CFAP43: variants seen among roughly 807,000 people sequenced by gnomAD.
The protein encoded by CFAP43 is cilia- and flagella-associated protein 43.
A neutral mutation model predicts 218.9 loss-of-function variants in CFAP43; 155 were observed. The ratio of observed to expected loss-of-function variants is 0.71; its 90% CI spans 0.62 to 0.81. The LOEUF (loss-of-function observed/expected upper bound fraction) is 0.81, where lower values mean the gene tolerates loss of function less well. Ranked by LOEUF, CFAP43 falls within the 30% of genes least tolerant of loss-of-function variation. CFAP43 has a pLI of 0.00. For missense variants in CFAP43, 1,778 were observed against 1,954.3 expected (o/e 0.91, Z 1.70); for synonymous variants, 645 against 681.3 (o/e 0.95, Z 0.83).
At chr10:104,159,014 T>C (rs1429665351) in intron 27 of CFAP43, among the ~76,000 whole-genome samples, 1 of 152,116 alleles carries the variant, frequency 6.6e-6, no homozygotes, top group East Asian at 1.9e-4. Flanking sequence ...AAAATAAAAA[T>C]TGGTGAAAAA....
rs2091296298 is a variant in CFAP43 at position 104,226,014 on chromosome 10, G to GT, written c.320-458_320-457insA. Among the ~76,000 whole-genome samples, 6 of 152,224 alleles carry GT rather than the reference G, an allele frequency of 3.9e-5. No individual in the cohort carries two copies. In the South Asian group the frequency reaches 1.2e-3, roughly 32 times the overall value. On this transcript the variant is annotated intron_variant, in intron 2 of 37. Coordinates refer to ENST00000357060, the MANE Select transcript of CFAP43 (RefSeq NM_025145.7). ...TTAGCTTAATATCTGCCAGCTTTTGGAACAGCTATAAAAAGTGACATACTC... is the reference window on the plus strand; with the variant it reads ...TTAGCTTAATATCTGCCAGCTTTTGGTAACAGCTATAAAAAGTGACATACTC...
At chr10:104,135,126 A>G (rs2087379035) in intron 34 of CFAP43, among the ~76,000 whole-genome samples, 1 of 152,076 alleles carries the variant, frequency 6.6e-6, no homozygotes, top group Non-Finnish European at 1.5e-5. Context: ...AAAAACTCAC[A>G]TGATCATGTC....
chr10:104,213,675 A>G (rs557935698), intron 4 of CFAP43, among the ~76,000 whole-genome samples: 2 of 152,130 alleles, frequency 1.3e-5, no homozygotes, highest in East Asian at 3.9e-4. Flanking sequence ...AGCTGGGACT[A>G]CAAGCATGCG....
At chr10:104,184,145 T>C (rs552056664) in intron 16 of CFAP43, among the ~76,000 whole-genome samples, 4 of 152,198 alleles carry the variant, frequency 2.6e-5, no homozygotes, top group Non-Finnish European at 5.9e-5. Context: ...GCTGACTCCA[T>C]CTTGTTTCTA....
Position 104,232,202 on chromosome 10 carries a change from G to C in CFAP43, c.45C>G (p.Gly15=). Residue 15 remains glycine (G), a synonymous_variant, in exon 1 of 38, where the codon GGC becomes GGG. Coordinates refer to ENST00000357060, the MANE Select transcript of CFAP43 (RefSeq NM_025145.7). ...RERDEGPHSA[G]GASLSVRWVQ... ...CGCACCTCACGGACAAGGACGCGCC[G>C]CCGGCGGAGTGGGGGCCTTCGTCGC... 6.2e-7 allele frequency: 1 copy of C among 1,609,400 alleles called. No homozygotes were observed. The highest frequency in any genetic ancestry group is 8.5e-7 in the Non-Finnish European group (1 of 1,178,518).
chr10:104,176,051 T>G (rs906865387), intron 19 of CFAP43, among the ~76,000 whole-genome samples: 1 of 152,076 alleles, frequency 6.6e-6, no homozygotes, highest in Non-Finnish European at 1.5e-5. Flanking sequence ...TAAGTACACA[T>G]AAAAAGGCCA....
chr10:104,211,755 T>C (rs953446839), intron 5 of CFAP43, among the ~76,000 whole-genome samples: 1 of 152,164 alleles, frequency 6.6e-6, no homozygotes, highest in Non-Finnish European at 1.5e-5. Context: ...GCACCCCAAA[T>C]TGAGTATGCC....
intron 14 of CFAP43, 84 bp downstream of exon 14, chr10:104,187,236 G>A (rs2090059104): frequency 2.0e-5 from 23 of 1,138,602 alleles, no homozygotes; most frequent in Non-Finnish European, 2.1e-5. Flanking sequence ...CTGTTAAAGT[G>A]GTCAAGAGGA....
chr10:104,150,296 A>T (rs527737001), intron 28 of CFAP43, among the ~76,000 whole-genome samples: 3 of 151,678 alleles, frequency 2.0e-5, no homozygotes, highest in African/African-American at 7.3e-5. Context: ...CCATACATCC[A>T]CTCCCTGCCA....
chr10:104,164,474 C>T (rs959389158), intron 23 of CFAP43, among the ~76,000 whole-genome samples, 174 bp from the exon 24 acceptor site: 21 of 151,786 alleles, frequency 1.4e-4, no homozygotes, highest in East Asian at 7.8e-4. Flanking sequence ...CTCTGCTCAC[C>T]GCAAGCTCCG....
At chr10:104,134,582 T>A (rs571398203) in intron 34 of CFAP43, among the ~76,000 whole-genome samples, 1 of 151,846 alleles carries the variant, frequency 6.6e-6, no homozygotes, top group Non-Finnish European at 1.5e-5. Flanking sequence ...ATTAAAAGGA[T>A]TATAAGAGAA....
intron 4 of CFAP43, among the ~76,000 whole-genome samples, chr10:104,213,697 G>A (rs1225145183): frequency 6.6e-6 from 1 of 151,924 alleles, no homozygotes; most frequent in Non-Finnish European, 1.5e-5. Flanking sequence ...CACCATGCCC[G>A]GCTAATTTTT....
chr10:104,135,741 A>T (rs2087410523), intron 34 of CFAP43, among the ~76,000 whole-genome samples: 1 of 152,194 alleles, frequency 6.6e-6, no homozygotes, highest in Non-Finnish European at 1.5e-5. Context: ...ATGGAAAGTC[A>T]TCCCATGTTC....
At chr10:104,221,761 TC>T (rs2091188150) in intron 3 of CFAP43, among the ~76,000 whole-genome samples, 1 of 152,138 alleles carries the variant, frequency 6.6e-6, no homozygotes, top group Admixed American at 6.6e-5. Context: ...TAACATCCCA[TC>T]TCTCTGAAGT....
At chr10:104,227,110 C>T (rs566459713) in intron 2 of CFAP43, among the ~76,000 whole-genome samples, 1 of 151,994 alleles carries the variant, frequency 6.6e-6, no homozygotes, top group South Asian at 2.1e-4. Context: ...TTATATTGAC[C>T]ATTTTATCAT....
chr10:104,153,443 T>C (rs187209027), intron 27 of CFAP43, among the ~76,000 whole-genome samples: 189 of 152,322 alleles, frequency 1.2e-3, no homozygotes, highest in African/African-American at 4.3e-3. Context: ...GATAAATGCT[T>C]GTGAGGATGA....
intron 10 of CFAP43, among the ~76,000 whole-genome samples, chr10:104,195,450 T>C (rs1040378709): frequency 1.3e-5 from 2 of 152,236 alleles, no homozygotes; most frequent in African/African-American, 2.4e-5. Context: ...CTTGGTCACA[T>C]AGACTATGGA....
intron 20 of CFAP43, among the ~76,000 whole-genome samples, chr10:104,170,364 T>A (rs1170879500): frequency 6.6e-6 from 1 of 151,706 alleles, no homozygotes; most frequent in Admixed American, 6.6e-5. Flanking sequence ...GTGGGGTAGG[T>A]AGGATGAGTT....
chr10:104,229,272 C>G (rs1444377850), intron 2 of CFAP43, among the ~76,000 whole-genome samples: 4 of 152,180 alleles, frequency 2.6e-5, no homozygotes, highest in African/African-American at 7.2e-5. Context: ...CATGAGCTTT[C>G]TGCCCATGGG....
Sources: gnomAD v4.1 joint callset for allele counts (sites outside exome capture counted in the v4.1 genomes callset) on GRCh38, gnomAD v4.1.1 for gene constraint, MANE v1.5 for transcripts, NCBI Gene and HGNC (gene_info 2026-07-23, HGNC 2026-07-21) for gene names.